MEGF9: variants seen among roughly 807,000 people sequenced by gnomAD.
MEGF9 encodes the protein multiple EGF like domains 9.
MEGF9 carries 6 observed loss-of-function variants against 46.8 expected under a neutral mutation model. That is an observed-to-expected ratio of 0.13 (90% CI 0.07 to 0.25). The LOEUF (loss-of-function observed/expected upper bound fraction) is 0.25. MEGF9 is among the 10% of genes least tolerant of loss of function. The probability of loss-of-function intolerance (pLI) is 1.00; values close to 1 mark genes in which losing one functional copy is unlikely to be tolerated. For synonymous variants in MEGF9, 302 were observed against 330.7 expected (o/e 0.91, Z 0.94); for missense variants, 683 against 792.4 (o/e 0.86, Z 1.66).
chr9:120,648,332 T>C (rs1444002248), intron 2 of MEGF9, among the ~76,000 whole-genome samples: 2 of 151,636 alleles, frequency 1.3e-5, no homozygotes, highest in South Asian at 2.1e-4. Context: ...CTGTTCTAGG[T>C]GTCAGAAATA....
intron 2 of MEGF9, among the ~76,000 whole-genome samples, chr9:120,631,538 G>A (rs375718810): frequency 1.7e-4 from 26 of 150,982 alleles, no homozygotes; most frequent in African/African-American, 6.3e-4. Flanking sequence ...GGGCTGGAGT[G>A]CAGTGGTGCA....
chr9:120,682,491 C>A (rs2043802800), intron 1 of MEGF9, among the ~76,000 whole-genome samples: 1 of 152,110 alleles, frequency 6.6e-6, no homozygotes, highest in Admixed American at 6.5e-5. Context: ...GTGGTATAAC[C>A]TAGGAACTAT....
At chr9:120,651,747 G>A (rs548175326) in intron 2 of MEGF9, among the ~76,000 whole-genome samples, 15 of 150,632 alleles carry the variant, frequency 1.0e-4, no homozygotes, top group East Asian at 5.9e-4. Context: ...CCGCCTCCCC[G>A]GTTCAAGCGA....
chr9:120,645,266 A>G (rs1461985420), intron 2 of MEGF9, among the ~76,000 whole-genome samples: 1 of 152,242 alleles, frequency 6.6e-6, no homozygotes, highest in Admixed American at 6.5e-5. Flanking sequence ...ATGTGGCTGC[A>G]TATATAAACT....
chr9:120,670,352 C>T (rs1054919752), intron 1 of MEGF9, among the ~76,000 whole-genome samples: 5 of 152,194 alleles, frequency 3.3e-5, no homozygotes, highest in Non-Finnish European at 5.9e-5. Context: ...CCACCTCAGC[C>T]TCCTAAAGTG....
chr9:120,650,234 G>C (rs1364352451), intron 2 of MEGF9, among the ~76,000 whole-genome samples: 1 of 152,158 alleles, frequency 6.6e-6, no homozygotes, highest in African/African-American at 2.4e-5. Flanking sequence ...TCAAATCAAT[G>C]TGCAATTGTC....
intron 1 of MEGF9, among the ~76,000 whole-genome samples, chr9:120,691,802 T>C (rs1192374242): frequency 6.6e-6 from 1 of 152,164 alleles, no homozygotes; most frequent in Non-Finnish European, 1.5e-5. Context: ...ACTGGATACT[T>C]CAAGGCTGAA....
intron 1 of MEGF9, among the ~76,000 whole-genome samples, chr9:120,692,711 A>G (rs1168765994): frequency 6.6e-6 from 1 of 152,110 alleles, no homozygotes; most frequent in East Asian, 1.9e-4. Context: ...TCAGGACTTC[A>G]GTTCCCTAAA....
chr9:120,684,022 A>G (rs539016131), intron 1 of MEGF9, among the ~76,000 whole-genome samples: 5 of 152,354 alleles, frequency 3.3e-5, no homozygotes, highest in Admixed American at 3.3e-4. Context: ...TTTACCATAG[A>G]GGGTATAAAA....
rs892801085 is a variant in MEGF9 at position 120,637,520 on chromosome 9, G to A, written c.804-14765C>T. Among the ~76,000 whole-genome samples, 6 of 151,162 alleles carry A rather than the reference G, an allele frequency of 4.0e-5. No individual in the cohort carries two copies. The East Asian group carries it at 7.7e-4, about 19-fold the overall frequency. ...AAAAAAATGGTGCTCCAGGCCGGGC[G>A]TGGTGGCTCATGCCTGTAATCTCGG... On this transcript the variant is annotated intron_variant, in intron 2 of 5. Coordinates refer to ENST00000373930, the MANE Select transcript of MEGF9 (RefSeq NM_001080497.3).
At chr9:120,616,109 A>T (rs2043471373) in intron 3 of MEGF9, among the ~76,000 whole-genome samples, 1 of 152,088 alleles carries the variant, frequency 6.6e-6, no homozygotes, top group Admixed American at 6.5e-5. Context: ...CTAGTCTAGA[A>T]ATTATCTCTA....
At chr9:120,611,358 T>C (rs2043444214) in intron 4 of MEGF9, among the ~76,000 whole-genome samples, 1 of 152,188 alleles carries the variant, frequency 6.6e-6, no homozygotes, top group Admixed American at 6.5e-5. Context: ...TGTCTATCAA[T>C]TGATGAAGAG....
chr9:120,663,597 G>A (rs533223310), intron 1 of MEGF9, among the ~76,000 whole-genome samples: 2 of 152,328 alleles, frequency 1.3e-5, no homozygotes, highest in South Asian at 4.1e-4. Context: ...GCAGCACAAA[G>A]GAGTCTGCAA....
intron 2 of MEGF9, among the ~76,000 whole-genome samples, chr9:120,632,667 T>G (rs1390637129): frequency 2.0e-5 from 3 of 152,226 alleles, no homozygotes; most frequent in African/African-American, 7.2e-5. Context: ...ATCCTTGTCT[T>G]TTTCCAGTTC....
chr9:120,612,998 G>T (rs966338132), intron 3 of MEGF9, among the ~76,000 whole-genome samples: 1 of 149,216 alleles, frequency 6.7e-6, no homozygotes, highest in Non-Finnish European at 1.5e-5. Flanking sequence ...CATTACACCC[G>T]GCTAATTTTT....
chr9:120,605,540 T>G lies in MEGF9; in HGVS notation c.1459A>C (p.Thr487Pro). The change falls in exon 6 of 6, where the codon ACA (threonine) becomes CCA (proline). Residue 487 changes from threonine (T) to proline (P), a missense_variant. Coordinates refer to ENST00000373930, the MANE Select transcript of MEGF9 (RefSeq NM_001080497.3). This position sits in a 1 kb window ranked among gnomAD's most constrained non-coding sequence, Gnocchi z 4.0. ...TPVINSTFTPTTLQTIFSVST... is the reference protein window; with the variant it reads ...TPVINSTFTPPTLQTIFSVST... Reference sequence around the variant, plus strand: ...ACTGAAAAGATAGTCTGCAGGGTTGTAGGGGTAAAAGTACTATTTATAACA... The same window carrying G: ...ACTGAAAAGATAGTCTGCAGGGTTGGAGGGGTAAAAGTACTATTTATAACA... 6.2e-7 allele frequency: 1 copy of G among 1,613,096 alleles called. No individual in the cohort carries two copies.
At chr9:120,681,180 A>C (rs2043797351) in intron 1 of MEGF9, among the ~76,000 whole-genome samples, 1 of 150,840 alleles carries the variant, frequency 6.6e-6, no homozygotes, top group Non-Finnish European at 1.5e-5. Flanking sequence ...CCACGGCCCC[A>C]CAGTGTCCTC....
chr9:120,632,332 A>G (rs1312118554), intron 2 of MEGF9, among the ~76,000 whole-genome samples: 2 of 110,868 alleles, frequency 1.8e-5, no homozygotes, highest in African/African-American at 3.4e-5. Context: ...ATTTATTCCT[A>G]AGTGTTTTTT....
chr9:120,647,630 TTAAAA>T (rs2043631558), intron 2 of MEGF9, among the ~76,000 whole-genome samples: 1 of 152,134 alleles, frequency 6.6e-6, no homozygotes, highest in South Asian at 2.1e-4. Context: ...TAAAGTTATC[TTAAAA>T]TAAAAAAAAG....
Sources: allele counts gnomAD v4.1 joint callset (sites outside exome capture counted in the v4.1 genomes callset), GRCh38; gene constraint gnomAD v4.1.1; non-coding constraint Gnocchi (gnomAD v3.1); transcripts MANE v1.5; gene names NCBI Gene and HGNC (gene_info 2026-07-23, HGNC 2026-07-21).